The following YPEL5 variants were observed in gnomAD, a reference collection of about 807,000 sequenced individuals.
YPEL5 encodes yippee like 5.
YPEL5 carries 1 observed loss-of-function variant against 10.5 expected under a neutral mutation model. The observed-to-expected ratio is 0.10, with a 90% CI of 0.03 to 0.45. The LOEUF is 0.45. Among genes scored for constraint, YPEL5 ranks in the 20% least tolerant of loss-of-function variants. The probability of loss-of-function intolerance (pLI) is 0.97; values close to 1 mark genes in which losing one functional copy is unlikely to be tolerated. For missense variants in YPEL5, 68 were observed against 159.3 expected (o/e 0.43, Z 3.09); for synonymous variants, 61 against 56.6 (o/e 1.08, Z -0.35).
intron 1 of YPEL5, among the ~76,000 whole-genome samples, chr2:30,151,289 T>C (rs1342591765): frequency 6.6e-6 from 1 of 152,142 alleles, no homozygotes; most frequent in African/African-American, 2.4e-5. Flanking sequence ...GAATCATCTT[T>C]TTTTTTCCCC....
At chr2:30,149,569 C>G (rs1430896779) in intron 1 of YPEL5, among the ~76,000 whole-genome samples, 1 of 152,178 alleles carries the variant, frequency 6.6e-6, no homozygotes, top group Admixed American at 6.5e-5. Flanking sequence ...TTATAGTAAT[C>G]AACCCAGCAC....
At chr2:30,148,088 G>A (rs1675589883) in intron 1 of YPEL5, 1 of 152,286 alleles carries the variant, frequency 6.6e-6, no homozygotes, top group South Asian at 2.1e-4. Flanking sequence ...TACCTTCTCT[G>A]CAGGTAGATG....
chr2:30,148,001 C>T (rs1675574993), intron 1 of YPEL5: 1 of 152,116 alleles, frequency 6.6e-6, no homozygotes, highest in African/African-American at 2.4e-5. Flanking sequence ...GCCGGCCCAG[C>T]TCCGCCAGCT....
chr2:30,151,286 CT>C (rs951297812), intron 1 of YPEL5, among the ~76,000 whole-genome samples: 2 of 150,970 alleles, frequency 1.3e-5, no homozygotes, highest in Non-Finnish European at 3.0e-5. Context: ...AGAGAATCAT[CT>C]TTTTTTTTCC....
At chr2:30,149,018 A>T (rs571596551) in intron 1 of YPEL5, among the ~76,000 whole-genome samples, 4 of 152,320 alleles carry the variant, frequency 2.6e-5, no homozygotes, top group South Asian at 2.1e-4. Flanking sequence ...TTGACACTTG[A>T]GTCGGGAAGC....
intron 2 of YPEL5, 144 bp downstream of exon 2, chr2:30,156,936 G>C: frequency 1.0e-6 from 1 of 976,762 alleles, no homozygotes; most frequent in East Asian, 2.6e-5. Context: ...CCACTAGCTC[G>C]TCTTTGATGG....
intron 1 of YPEL5, among the ~76,000 whole-genome samples, chr2:30,151,019 G>T (rs1675762236): frequency 6.6e-6 from 1 of 152,102 alleles, no homozygotes; most frequent in Admixed American, 6.5e-5. Flanking sequence ...TTCATTCTCA[G>T]CTTGTGGGCA....
rs190920745 is a variant in YPEL5 at position 30,149,724 on chromosome 2, A to T, written c.-25+2662A>T. Reference sequence around the variant, plus strand: ...CCTCTGCAAGGGGCAGGTTCCTTTAACCCTTTCTGCGCTAGATGCCTGCAT... The same window carrying T: ...CCTCTGCAAGGGGCAGGTTCCTTTATCCCTTTCTGCGCTAGATGCCTGCAT... On this transcript the variant is annotated intron_variant, in intron 1 of 2. Coordinates refer to ENST00000261353, the MANE Select transcript of YPEL5 (RefSeq NM_016061.3). Among the ~76,000 whole-genome samples, 148 of 152,240 alleles carry T rather than the reference A, an allele frequency of 9.7e-4. 1 individual carries two copies. Among genetic ancestry groups the T allele is most frequent in the African/African-American group, 3.5e-3 (144 of 41,544 alleles).
intron 1 of YPEL5, among the ~76,000 whole-genome samples, chr2:30,152,995 G>A (rs1157063737): frequency 6.6e-6 from 1 of 151,696 alleles, no homozygotes; most frequent in East Asian, 1.9e-4. Context: ...CCGCCTCCTG[G>A]GTTCATGCCT....
intron 1 of YPEL5, among the ~76,000 whole-genome samples, chr2:30,155,588 T>C (rs1454368322): frequency 6.6e-6 from 1 of 152,402 alleles, no homozygotes; most frequent in Admixed American, 6.5e-5. Flanking sequence ...AAAACTGTGG[T>C]ATATTCTTGA....
intron 2 of YPEL5, 94 bp from the exon 3 acceptor site, chr2:30,158,525 C>G: frequency 1.7e-6 from 2 of 1,171,806 alleles, no homozygotes; most frequent in South Asian, 2.7e-5. Context: ...TTCTCCTTTT[C>G]TGAAGTTGCT....
At chr2:30,155,149 TAAATA>T (rs1376209396) in intron 1 of YPEL5, among the ~76,000 whole-genome samples, 1 of 152,258 alleles carries the variant, frequency 6.6e-6, no homozygotes, top group African/African-American at 2.4e-5. Flanking sequence ...ATTAGAAAGT[TAAATA>T]TTATAGCTTA....
At chr2:30,154,935 C>T (rs1326188285) in intron 1 of YPEL5, among the ~76,000 whole-genome samples, 2 of 152,100 alleles carry the variant, frequency 1.3e-5, no homozygotes, top group Admixed American at 6.5e-5. Flanking sequence ...GACAGGGTTT[C>T]ACCATGTTAA....
chr2:30,149,712 C>T (rs1228653964), intron 1 of YPEL5, among the ~76,000 whole-genome samples: 1 of 152,226 alleles, frequency 6.6e-6, no homozygotes, highest in East Asian at 1.9e-4. Context: ...CTGCAAGGGG[C>T]AGGTTCCTTT....
At chr2:30,155,314 T>G (rs974506490) in intron 1 of YPEL5, among the ~76,000 whole-genome samples, 2 of 152,250 alleles carry the variant, frequency 1.3e-5, no homozygotes, top group South Asian at 2.1e-4. Context: ...ATGATTTTTG[T>G]GATAACATTT....
At chr2:30,154,023 C>T (rs1212537625) in intron 1 of YPEL5, among the ~76,000 whole-genome samples, 3 of 152,156 alleles carry the variant, frequency 2.0e-5, no homozygotes, top group Non-Finnish European at 4.4e-5. Flanking sequence ...TTACCACAAC[C>T]GTATGGTGTC....
intron 2 of YPEL5, among the ~76,000 whole-genome samples, chr2:30,157,447 C>T (rs888620568): frequency 2.6e-5 from 4 of 152,162 alleles, no homozygotes; most frequent in African/African-American, 7.2e-5. Flanking sequence ...GAGATGGTGG[C>T]GTTAAACTAT....
chr2:30,148,101 A>G (rs1675591463), intron 1 of YPEL5: 1 of 152,288 alleles, frequency 6.6e-6, no homozygotes. Flanking sequence ...GGTAGATGGG[A>G]CAAATGAGTG....
At position 30,153,336 on chromosome 2, in the gene YPEL5, A is replaced by G. The variant is rs538974215; in HGVS notation, c.-24-3292A>G. Among the ~76,000 whole-genome samples, 794 of 152,296 alleles carry G rather than the reference A, an allele frequency of 5.2e-3. 8 individuals carry two copies. Among genetic ancestry groups the G allele is most frequent in the African/African-American group, 0.018 (748 of 41,554 alleles). On this transcript the variant is annotated intron_variant, in intron 1 of 2. Coordinates refer to ENST00000261353, the MANE Select transcript of YPEL5 (RefSeq NM_016061.3). The stretch of plus-strand genomic sequence containing the variant: ...GCCAGGAAGTCCAACATAAGATTCA[A>G]TGTCTGTTGATGGTACCTTTTAGCT...
Sources: gnomAD v4.1 joint callset for allele counts (sites outside exome capture counted in the v4.1 genomes callset) on GRCh38, gnomAD v4.1.1 for gene constraint, MANE v1.5 for transcripts, NCBI Gene and HGNC (gene_info 2026-07-23, HGNC 2026-07-21) for gene names.